Variants in RORA observed in about 807,000 individuals in gnomAD.
RORA encodes nuclear receptor ROR-alpha.
Under a neutral mutation model 69.5 loss-of-function variants are expected in RORA, and 7 were observed. The ratio of observed to expected loss-of-function variants is 0.10; its 90% confidence interval spans 0.06 to 0.19. The LOEUF is 0.19. RORA is among the 10% of genes least tolerant of loss of function. The pLI is 1.00. For missense variants in RORA, 457 were observed against 663.0 expected (o/e 0.69, Z 3.41); for synonymous variants, 261 against 240.8 (o/e 1.08, Z -0.78).
intron 2 of RORA, among the ~76,000 whole-genome samples, chr15:60,577,629 G>C (rs538478829): frequency 2.9e-5 from 4 of 136,104 alleles, no homozygotes; most frequent in Non-Finnish European, 6.1e-5. Context: ...GGGTGACAGA[G>C]TGAGACTCTG....
chr15:60,724,900 C>T (rs181365324), intron 1 of RORA, among the ~76,000 whole-genome samples: 26 of 152,318 alleles, frequency 1.7e-4, no homozygotes, highest in Admixed American at 5.2e-4. Flanking sequence ...GCTCCCTCCT[C>T]CCCGCTCCTC....
chr15:60,549,000 TACAC>T (rs1308438994), intron 2 of RORA, among the ~76,000 whole-genome samples: 2 of 152,334 alleles, frequency 1.3e-5, no homozygotes, highest in Non-Finnish European at 2.9e-5. Context: ...TTAAACTTGA[TACAC>T]ACAGTTTAAC....
intron 2 of RORA, among the ~76,000 whole-genome samples, chr15:60,621,215 T>TA (rs34065326): frequency 0.27 from 40,289 of 150,832 alleles, 5,535 homozygotes; most frequent in Middle Eastern, 0.33. Flanking sequence ...TATATATATA[T>TA]TTTTTAAGAA....
intron 2 of RORA, among the ~76,000 whole-genome samples, chr15:60,611,647 A>G (rs2069094799): frequency 1.4e-5 from 2 of 145,948 alleles, no homozygotes; most frequent in African/African-American, 2.5e-5. Flanking sequence ...GTAGGTGCTC[A>G]ATAAATACCA....
intron 1 of RORA, among the ~76,000 whole-genome samples, chr15:61,190,962 G>A (rs1233129506): frequency 6.6e-6 from 1 of 151,834 alleles, no homozygotes; most frequent in African/African-American, 2.4e-5. Flanking sequence ...CTGATCGTTA[G>A]TAGCTCGTAA....
chr15:61,114,187 G>C (rs1015057103), intron 1 of RORA, among the ~76,000 whole-genome samples: 1 of 152,076 alleles, frequency 6.6e-6, no homozygotes, highest in Non-Finnish European at 1.5e-5. Flanking sequence ...TAAACACCAG[G>C]AGACTGATGT....
At chr15:61,126,118 T>G (rs1341079697) in intron 1 of RORA, among the ~76,000 whole-genome samples, 1 of 152,208 alleles carries the variant, frequency 6.6e-6, no homozygotes, top group Admixed American at 6.5e-5. Context: ...GAACCAGGCT[T>G]GGCTAACATA....
chr15:61,090,615 G>C (rs76853459), intron 1 of RORA, among the ~76,000 whole-genome samples: 2 of 152,204 alleles, frequency 1.3e-5, no homozygotes, highest in African/African-American at 4.8e-5. Flanking sequence ...TTTTTGTTGA[G>C]GCAGAACAGG....
At chr15:60,622,690 A>G (rs574648618) in intron 2 of RORA, among the ~76,000 whole-genome samples, 2 of 152,308 alleles carry the variant, frequency 1.3e-5, no homozygotes, top group East Asian at 3.9e-4. Context: ...CATTCTGAAA[A>G]GGATCAGCAA....
intron 1 of RORA, among the ~76,000 whole-genome samples, chr15:60,737,553 G>C (rs2071518318): frequency 6.6e-6 from 1 of 152,146 alleles, no homozygotes; most frequent in Non-Finnish European, 1.5e-5. Flanking sequence ...TCAGCAATCT[G>C]TTTTTAACAA....
chr15:60,824,671 T>C (rs74749853), intron 1 of RORA, among the ~76,000 whole-genome samples: 116 of 152,324 alleles, frequency 7.6e-4, no homozygotes, highest in African/African-American at 2.7e-3. Flanking sequence ...GGGCTAATAA[T>C]AATTCCTCAC....
At chr15:60,615,602 T>C (rs1156980158) in intron 2 of RORA, among the ~76,000 whole-genome samples, 1 of 152,216 alleles carries the variant, frequency 6.6e-6, no homozygotes, top group African/African-American at 2.4e-5. Flanking sequence ...GGAGGAAGAA[T>C]GTGAGCTCAC....
intron 1 of RORA, among the ~76,000 whole-genome samples, chr15:60,861,738 G>A (rs557247108): frequency 8.5e-5 from 13 of 152,206 alleles, no homozygotes; most frequent in East Asian, 3.9e-4. Context: ...CTTCCTCTTC[G>A]TGTAATTTGA....
chr15:61,185,690 A>C (rs147236674), intron 1 of RORA, among the ~76,000 whole-genome samples: 185 of 152,304 alleles, frequency 1.2e-3, no homozygotes, highest in African/African-American at 4.2e-3. Flanking sequence ...ACTCTGTTCC[A>C]TTCTGTGGCA....
intron 1 of RORA, among the ~76,000 whole-genome samples, chr15:60,755,374 C>T (rs1285569266): frequency 1.3e-5 from 2 of 151,888 alleles, no homozygotes; most frequent in Non-Finnish European, 2.9e-5. Context: ...TTTCTTAATC[C>T]AGTCTATCAT....
intron 2 of RORA, among the ~76,000 whole-genome samples, chr15:60,551,601 G>C: frequency 6.6e-6 from 1 of 152,122 alleles, no homozygotes; most frequent in East Asian, 1.9e-4. Flanking sequence ...CTGTACTACT[G>C]TCCTCTTTCC....
chr15:61,163,389 G>A (rs1163824747), intron 1 of RORA, among the ~76,000 whole-genome samples: 1 of 152,150 alleles, frequency 6.6e-6, no homozygotes, highest in Admixed American at 6.5e-5. Context: ...TCAGAGGCAA[G>A]TCAGTTTTCC....
At chr15:61,180,377 T>A (rs1289664815) in intron 1 of RORA, among the ~76,000 whole-genome samples, 1 of 152,214 alleles carries the variant, frequency 6.6e-6, no homozygotes, top group Non-Finnish European at 1.5e-5. Context: ...AAGGGTTGTA[T>A]GAGATTTAAT....
rs555842165 is a variant in RORA, at chr15:60,971,784, A to T, written c.166+257269T>A. Among the ~76,000 whole-genome samples the T allele has an allele frequency of 2.0e-5, 3 of 152,336 alleles. No homozygotes were observed. In the South Asian group the frequency reaches 6.2e-4, roughly 32 times the overall value. On this transcript the variant is annotated intron_variant, in intron 1 of 10. Transcript: ENST00000335670. ...CACATTCTCCTTCCTTTTGGCCAGTAAGAATGTTTAGGAGAGATGTGGATG... is the reference window on the plus strand; with the variant it reads ...CACATTCTCCTTCCTTTTGGCCAGTTAGAATGTTTAGGAGAGATGTGGATG...
Sources: allele counts gnomAD v4.1 joint callset (sites outside exome capture counted in the v4.1 genomes callset), GRCh38; gene constraint gnomAD v4.1.1; transcripts MANE v1.5; gene names NCBI Gene and HGNC (gene_info 2026-07-23, HGNC 2026-07-21).